The following MAOA variants were observed in gnomAD, a reference collection of about 807,000 sequenced individuals.
MAOA encodes the protein monoamine oxidase A, also known as amine oxidase [flavin-containing] A.
MAOA carries 6 observed loss-of-function variants against 42.0 expected under a neutral mutation model. The observed-to-expected ratio is 0.14, with a 90% CI of 0.08 to 0.28. The LOEUF (loss-of-function observed/expected upper bound fraction) is 0.28, where lower values mean the gene tolerates loss of function less well. Among genes scored for constraint, MAOA ranks in the 10% least tolerant of loss-of-function variants. MAOA has a pLI of 1.00. For synonymous variants in MAOA, 140 were observed against 154.0 expected (o/e 0.91, Z 0.67); for missense variants, 262 against 422.3 (o/e 0.62, Z 3.33).
chrX:43,684,408 G>A (rs1281246938), intron 2 of MAOA, among the ~76,000 whole-genome samples: 3 of 111,248 alleles, frequency 2.7e-5, no homozygotes, highest in Non-Finnish European at 3.8e-5. Flanking sequence ...AAAAGTGGGG[G>A]AGAAAGGGAG....
intron 8 of MAOA, 117 bp from the exon 9 acceptor site, chrX:43,732,582 G>A (rs2033890869): frequency 3.7e-6 from 2 of 538,519 alleles, no homozygotes; most frequent in Admixed American, 5.1e-5. Context: ...TTGGGGCCAA[G>A]ACCAAGAGTT....
intron 11 of MAOA, among the ~76,000 whole-genome samples, chrX:43,740,972 G>A: frequency 9.0e-6 from 1 of 111,439 alleles, no homozygotes; most frequent in East Asian, 2.8e-4. Flanking sequence ...TAGATAACTG[G>A]CAGCCAATTG....
chrX:43,660,121 A>G (rs2033220391), intron 1 of MAOA, among the ~76,000 whole-genome samples: 1 of 110,670 alleles, frequency 9.0e-6, no homozygotes, highest in South Asian at 3.8e-4. Flanking sequence ...CCATACCTCT[A>G]TGTCTGTGTG....
At chrX:43,672,553 C>T (rs1346313165) in intron 1 of MAOA, among the ~76,000 whole-genome samples, 2 of 111,441 alleles carry the variant, frequency 1.8e-5, no homozygotes, top group Non-Finnish European at 3.8e-5. Flanking sequence ...CAGTTTTTGC[C>T]CATTCAGTAT....
chrX:43,663,133 T>C (rs951646962), intron 1 of MAOA, among the ~76,000 whole-genome samples: 4 of 111,382 alleles, frequency 3.6e-5, no homozygotes, highest in South Asian at 7.5e-4. Flanking sequence ...ATCCGTCTCT[T>C]TAGCTTTCTT....
Position 43,744,697 on chromosome X carries a change from A to C in MAOA, c.*184A>C. ...GAATCACCTAATTAATTTCAGTAAG[A>C]TCAAGCTCCATCTTATTTGTCAGTG... On this transcript the variant is annotated 3_prime_UTR_variant, in exon 15 of 15. Transcript: ENST00000338702. 2.1e-6 allele frequency: 1 copy of C among 475,401 alleles called. No individual in the cohort carries two copies. The highest frequency in any genetic ancestry group is 3.6e-6 in the Non-Finnish European group (1 of 276,202). The allele number at this position is 475,401 out of a possible 1,213,427, so 39.2% of individuals were successfully genotyped here.
At chrX:43,657,202 TTA>T (rs768327318) in intron 1 of MAOA, among the ~76,000 whole-genome samples, 11 of 85,778 alleles carry the variant, frequency 1.3e-4, no homozygotes, top group Admixed American at 5.0e-4. Context: ...TGAACTGTGT[TTA>T]TATATATATA....
intron 1 of MAOA, among the ~76,000 whole-genome samples, chrX:43,657,273 T>TTTTA (rs751142000): frequency 1.3e-5 from 1 of 79,447 alleles, no homozygotes; most frequent in Non-Finnish European, 2.4e-5. Flanking sequence ...TGAACTGTGT[T>TTTTA]TATATATATA....
intron 1 of MAOA, among the ~76,000 whole-genome samples, chrX:43,660,473 T>C (rs367952401): frequency 2.7e-5 from 3 of 111,584 alleles, no homozygotes; most frequent in East Asian, 5.6e-4. Flanking sequence ...AAGTAGCATT[T>C]CCTACTATTT....
Position 43,744,109 on chromosome X carries a change from G to C in MAOA, c.1375G>C (p.Val459Leu). The change falls in exon 14 of 15, where the codon GTC becomes CTC. Residue 459 changes from valine (V) to leucine (L), a missense_variant and splice_region_variant. Physicochemically the swap from Val to Leu is conservative, Grantham distance 32. This residue lies in a region of MAOA where 86 missense variants were observed against 190.3 expected (regional missense o/e 0.45). Transcript: ENST00000338702. Reference protein sequence around the residue: ...VEAGERAAREVLNGLGKVTEK... With the variant: ...VEAGERAARELLNGLGKVTEK... ...TAATACCATGGTGACTTTCTTTCAGGTCTTAAATGGTCTCGGGAAGGTGAC... is the reference window on the plus strand; with the variant it reads ...TAATACCATGGTGACTTTCTTTCAGCTCTTAAATGGTCTCGGGAAGGTGAC... The C allele has an allele frequency of 8.3e-7, 1 of 1,207,939 alleles. No homozygotes were observed. The highest frequency in any genetic ancestry group is 1.1e-6 in the Non-Finnish European group (1 of 892,673).
intron 7 of MAOA, 137 bp downstream of exon 7, chrX:43,731,527 G>T: frequency 1.1e-6 from 1 of 876,354 alleles, no homozygotes; most frequent in Non-Finnish European, 1.6e-6. Context: ...TACCAGCCTT[G>T]GTTGACCTAC....
intron 1 of MAOA, among the ~76,000 whole-genome samples, chrX:43,667,011 G>A (rs1334098537): frequency 1.9e-5 from 2 of 105,023 alleles, no homozygotes; most frequent in South Asian, 4.8e-4. Flanking sequence ...GGGGCGGGGG[G>A]GATAGCATTA....
At chrX:43,683,781 G>A (rs929029207) in intron 2 of MAOA, among the ~76,000 whole-genome samples, 174 bp downstream of exon 2, 5 of 111,282 alleles carry the variant, frequency 4.5e-5, no homozygotes, top group African/African-American at 9.8e-5. Context: ...TAACATGTAC[G>A]CACTGAAGAC....
intron 1 of MAOA, among the ~76,000 whole-genome samples, chrX:43,681,235 G>A (rs887658662): frequency 9.0e-6 from 1 of 111,468 alleles, no homozygotes; most frequent in African/African-American, 3.3e-5. Flanking sequence ...TTGCTACTGG[G>A]TAGGTTATTT....
intron 1 of MAOA, among the ~76,000 whole-genome samples, chrX:43,678,488 C>A (rs1432356154): frequency 8.9e-6 from 1 of 112,074 alleles, no homozygotes; most frequent in Non-Finnish European, 1.9e-5. Flanking sequence ...TGCCTTCAGA[C>A]TTAAGAATCT....
intron 3 of MAOA, among the ~76,000 whole-genome samples, chrX:43,706,556 A>G (rs1167675395): frequency 9.0e-6 from 1 of 110,742 alleles, no homozygotes; most frequent in East Asian, 2.8e-4. Flanking sequence ...AGGCCAAGAC[A>G]GGAGGATCAC....
chrX:43,663,596 T>C (rs1209847564), intron 1 of MAOA, among the ~76,000 whole-genome samples: 3 of 111,446 alleles, frequency 2.7e-5, no homozygotes, highest in African/African-American at 9.8e-5. Context: ...CAGTGCTCTT[T>C]CTGTACCTCA....
chrX:43,668,520 AT>A (rs1284936431), intron 1 of MAOA, among the ~76,000 whole-genome samples: 4 of 112,337 alleles, frequency 3.6e-5, no homozygotes, highest in Non-Finnish European at 7.5e-5. Context: ...TATGTTATGC[AT>A]TTAAATCTTC....
intron 2 of MAOA, among the ~76,000 whole-genome samples, chrX:43,684,828 C>G (rs1489376894): frequency 1.8e-5 from 2 of 108,117 alleles, no homozygotes; most frequent in African/African-American, 6.8e-5. Flanking sequence ...TTGCTTTTTG[C>G]TCTTCTTTCT....
Sources: allele counts gnomAD v4.1 joint callset (sites outside exome capture counted in the v4.1 genomes callset), GRCh38; gene constraint gnomAD v4.1.1; regional missense constraint gnomAD v4.1.1; transcripts MANE v1.5; gene names NCBI Gene and HGNC (gene_info 2026-07-23, HGNC 2026-07-21).